The following PCDHGB7 variants were observed in gnomAD, a reference collection of about 807,000 sequenced individuals.
PCDHGB7 encodes protocadherin gamma subfamily B, 7.
PCDHGB7 carries 37 observed loss-of-function variants against 61.4 expected under a neutral mutation model. The ratio of observed to expected loss-of-function variants is 0.60; its 90% CI spans 0.46 to 0.79. The LOEUF (loss-of-function observed/expected upper bound fraction) is 0.79. Ranked by LOEUF, PCDHGB7 falls within the 30% of genes least tolerant of loss-of-function variation. PCDHGB7 has a pLI of 0.00. For missense variants in PCDHGB7, 1,166 were observed against 1,202.5 expected (o/e 0.97, Z 0.45); for synonymous variants, 464 against 503.5 (o/e 0.92, Z 1.05).
chr5:141,477,634 G>C lies in PCDHGB7; in HGVS notation c.2416-17173G>C. 2 of 1,614,176 alleles carry C rather than the reference G, an allele frequency of 1.2e-6. No individual in the cohort carries two copies. Among genetic ancestry groups the C allele is most frequent in the Non-Finnish European group, 1.7e-6 (2 of 1,180,034 alleles). On this transcript the variant is annotated intron_variant, in intron 1 of 3. Transcript: ENST00000398594. This position sits in a 1 kb window ranked among gnomAD's most constrained non-coding sequence, Gnocchi z 4.9. Reference sequence around the variant, plus strand: ...AGCAAGGAGCTGAAACCGGGCTAGTGGGTCGCTATTTCACAATAAATCGTG... The same window carrying C: ...AGCAAGGAGCTGAAACCGGGCTAGTCGGTCGCTATTTCACAATAAATCGTG...
chr5:141,497,104 T>C (rs757158984), intron 2 of PCDHGB7, among the ~76,000 whole-genome samples: 44 of 151,910 alleles, frequency 2.9e-4, no homozygotes, highest in Non-Finnish European at 5.9e-4. Context: ...CAGAACTGCT[T>C]GAACCCGGAA....
At chr5:141,458,496 A>G (rs905073741) in intron 1 of PCDHGB7, among the ~76,000 whole-genome samples, 1 of 151,694 alleles carries the variant, frequency 6.6e-6, no homozygotes, top group Non-Finnish European at 1.5e-5. Flanking sequence ...CTGCCTGTAC[A>G]TACTGTTTGA....
intron 1 of PCDHGB7, chr5:141,441,346 G>A (rs1265971154): frequency 2.0e-5 from 3 of 152,340 alleles, no homozygotes; most frequent in African/African-American, 7.2e-5. Context: ...TTAACTACAT[G>A]CTTGTAACAA....
chr5:141,490,700 C>T lies in PCDHGB7; in HGVS notation c.2416-4107C>T. The T allele has an allele frequency of 6.2e-7, 1 of 1,614,152 alleles. No individual in the cohort carries two copies. Among genetic ancestry groups the T allele is most frequent in the Non-Finnish European group, 8.5e-7 (1 of 1,179,984 alleles). ...TCAGATCCAGACACTGGGGATAATG[C>T]CCGCCTCACCTACTCCATTGTAGGA... On this transcript the variant is annotated intron_variant, in intron 1 of 3. Transcript: ENST00000398594. This position sits in a 1 kb window ranked among gnomAD's most constrained non-coding sequence, Gnocchi z 5.4.
intron 1 of PCDHGB7, among the ~76,000 whole-genome samples, chr5:141,484,774 C>T (rs1269490742): frequency 6.6e-6 from 1 of 151,782 alleles, no homozygotes; most frequent in Non-Finnish European, 1.5e-5. Context: ...ATGTTGTCTG[C>T]CTCCCCACAG....
At chr5:141,479,084 G>A (rs749298402) in intron 1 of PCDHGB7, among the ~76,000 whole-genome samples, 19 of 152,016 alleles carry the variant, frequency 1.2e-4, no homozygotes, top group Non-Finnish European at 1.9e-4. Flanking sequence ...GAAATTCCAG[G>A]CATCCTTTAA....
chr5:141,489,844 C>T lies in PCDHGB7; in HGVS notation c.2416-4963C>T, dbSNP rs1004902910. 4.3e-6 allele frequency: 7 copies of T among 1,614,148 alleles called. No homozygotes were observed. The African/African-American group carries it at 9.3e-5, about 22-fold the overall frequency. ...GCTGGTGCTAGAGCAGCAGCTGGAT[C>T]GTGAAGCCCAGGCAAGACATCAGCT... On this transcript the variant is annotated intron_variant, in intron 1 of 3. Transcript: ENST00000398594. The surrounding 1 kb of genome is among the most constrained non-coding windows in gnomAD (Gnocchi z 4.5).
At chr5:141,448,802 A>G (rs897172074) in intron 1 of PCDHGB7, among the ~76,000 whole-genome samples, 14 of 152,044 alleles carry the variant, frequency 9.2e-5, no homozygotes, top group Non-Finnish European at 1.8e-4. Flanking sequence ...AAAATTAGCC[A>G]GGCGTGATGG....
Position 141,476,241 on chromosome 5 carries a change from A to G in PCDHGB7, c.2416-18566A>G, listed in dbSNP as rs375405507. ...CACTATGAGATCCCGGAGGAAAGAG[A>G]GAAGGGTTTCGCTGTGGGCAACGTG... On this transcript the variant is annotated intron_variant, in intron 1 of 3. Transcript: ENST00000398594. The surrounding 1 kb of genome is among the most constrained non-coding windows in gnomAD (Gnocchi z 7.6). 3.7e-6 allele frequency: 6 copies of G among 1,613,626 alleles called. No homozygotes were observed. The highest frequency in any genetic ancestry group is 2.2e-5 in the East Asian group (1 of 44,834).
intron 1 of PCDHGB7, 157 bp from the exon 2 acceptor site, chr5:141,494,650 T>G (rs1366776271): frequency 1.0e-6 from 1 of 960,138 alleles, no homozygotes; most frequent in East Asian, 1.1e-4. Context: ...CTGAGGTGTA[T>G]TTTGTCTTTG....
intron 1 of PCDHGB7, among the ~76,000 whole-genome samples, chr5:141,433,697 CGTG>C (rs1176871032): frequency 6.6e-6 from 1 of 152,020 alleles, no homozygotes; most frequent in Non-Finnish European, 1.5e-5. Context: ...ATTAGCCGGG[CGTG>C]GTGGTGCATG....
intron 1 of PCDHGB7, among the ~76,000 whole-genome samples, chr5:141,435,547 G>T (rs2097769325): frequency 6.6e-6 from 1 of 152,114 alleles, no homozygotes. Context: ...AACAAAATGT[G>T]TTTTGAGTGC....
At chr5:141,427,732 G>T in intron 1 of PCDHGB7, 1 of 1,190,370 alleles carries the variant, frequency 8.4e-7, no homozygotes, top group Non-Finnish European at 1.2e-6. Context: ...GGGCTGAATG[G>T]CCAAGTCTCC....
intron 1 of PCDHGB7, among the ~76,000 whole-genome samples, chr5:141,481,761 G>A (rs984825493): frequency 2.6e-5 from 4 of 152,234 alleles, no homozygotes; most frequent in Non-Finnish European, 2.9e-5. Context: ...AGACCAGCCT[G>A]GCCAACATGG....
At chr5:141,446,312 T>C (rs2098498076) in intron 1 of PCDHGB7, among the ~76,000 whole-genome samples, 1 of 152,208 alleles carries the variant, frequency 6.6e-6, no homozygotes, top group African/African-American at 2.4e-5. Flanking sequence ...GAGTGATTCC[T>C]GGGTTTCCAC....
In PCDHGB7 at chr5:141,486,184, A is replaced by G. The variant is rs2099625756; in HGVS notation, c.2416-8623A>G. 8 of 1,614,014 alleles carry G rather than the reference A, an allele frequency of 5.0e-6. No homozygotes were observed. Among genetic ancestry groups the G allele is most frequent in the Non-Finnish European group, 6.8e-6 (8 of 1,180,026 alleles). On this transcript the variant is annotated intron_variant, in intron 1 of 3. Transcript: ENST00000398594. This position sits in a 1 kb window ranked among gnomAD's most constrained non-coding sequence, Gnocchi z 5.0. ...CCATGGAGCAACATTGCAGCCTTCG[A>G]GTGGATCTGCTGGACGTAAATGACA...
chr5:141,417,936 A>G lies in PCDHGB7; in HGVS notation c.77A>G (p.Tyr26Cys), dbSNP rs1266177574. ...TTTCCTTTGCTGCTGCCTTTGTTCT[A>G]CCCCACGCTGTGTGAGCCGATCCGC... ...VLFPLLLPLFYPTLCEPIRYS... is the reference protein window; with the variant it reads ...VLFPLLLPLFCPTLCEPIRYS... Residue 26 changes from tyrosine (Y) to cysteine (C), a missense_variant, in exon 1 of 4, where the codon TAC becomes TGC. Transcript: ENST00000398594. 3 of 1,612,080 alleles carry G rather than the reference A, an allele frequency of 1.9e-6. No individual in the cohort carries two copies. Among genetic ancestry groups the G allele is most frequent in the Non-Finnish European group, 1.7e-6 (2 of 1,179,024 alleles).
At chr5:141,441,775 A>G (rs1005757857) in intron 1 of PCDHGB7, 27 of 388,638 alleles carry the variant, frequency 6.9e-5, no homozygotes, top group Admixed American at 5.4e-4. Context: ...GTGTTGGTGG[A>G]CGACCTGAAT....
At chr5:141,469,807 T>C (rs1294838215) in intron 1 of PCDHGB7, among the ~76,000 whole-genome samples, 1 of 152,070 alleles carries the variant, frequency 6.6e-6, no homozygotes, top group African/African-American at 2.4e-5. Context: ...AAAAACATTG[T>C]AGATAGAATG....
Sources: gnomAD v4.1 joint callset for allele counts (sites outside exome capture counted in the v4.1 genomes callset) on GRCh38, gnomAD v4.1.1 for gene constraint, Gnocchi (gnomAD v3.1) non-coding constraint, MANE v1.5 for transcripts, NCBI Gene and HGNC (gene_info 2026-07-23, HGNC 2026-07-21) for gene names.